The following SHC1 variants were observed in gnomAD, a reference collection of about 807,000 sequenced individuals.
SHC1 encodes the protein SHC-transforming protein 1.
Under a neutral mutation model 55.9 loss-of-function variants are expected in SHC1, and 30 were observed. That is an observed-to-expected ratio of 0.54 (90% CI 0.40 to 0.73). The LOEUF is 0.73. SHC1 is among the 30% of genes least tolerant of loss of function. SHC1 has a pLI of 0.00. For synonymous variants in SHC1, 309 were observed against 306.1 expected, an observed-to-expected ratio of 1.01 and a Z score of -0.10; for missense variants, 675 against 777.1, an observed-to-expected ratio of 0.87 and a Z score of 1.56.
At position 154,966,417 on chromosome 1, in the gene SHC1, C is replaced by A. The variant is rs147431390; in HGVS notation, c.1084G>T (p.Gly362Trp). ...TCCCGAAGCCTCATGTCTACCACCC[C>A]CCCCAAGGGGGGTTCCTTCCCCGGG... The part of the protein sequence containing the change: ...DFPGKEPPLG[G>W]VVDMRLREGA... Residue 362 changes from glycine to tryptophan, a missense_variant, in exon 8 of 12, where the codon GGG becomes TGG. Coordinates refer to ENST00000448116, the MANE Select transcript of SHC1 (RefSeq NM_001130040.2). 4 of 1,613,724 alleles carry A rather than the reference C, an allele frequency of 2.5e-6. No homozygotes were observed. The highest frequency in any genetic ancestry group is 1.6e-4 in the Middle Eastern group (1 of 6,082).
At chr1:154,968,394 C>A in intron 4 of SHC1, 101 bp downstream of exon 4, 1 of 1,561,602 alleles carries the variant, frequency 6.4e-7, no homozygotes, top group South Asian at 1.1e-5. Context: ...CCCTACTGGT[C>A]TCCTGCTCTC....
chr1:154,970,053 G>A lies in SHC1; in HGVS notation c.474C>T (p.Pro158=), dbSNP rs8191982. 7.4e-4 allele frequency: 1,192 copies of A among 1,613,948 alleles called. 29 individuals carry two copies. In the East Asian group the frequency reaches 0.023, roughly 31 times the overall value. The change falls in exon 1 of 12, where the codon CCC becomes CCT. Residue 158 remains proline, a synonymous_variant. Transcript: ENST00000448116. The surrounding 1 kb of genome is among the most constrained non-coding windows in gnomAD (Gnocchi z 5.5). ...TCACCCGAACCAAGTAGGAAACCCC[G>A]GGTCCCATGACTTTGTCGTTGGGAT... ...WLHPNDKVMG[P]GVSYLVRYMG...
chr1:154,966,063 C>G lies in SHC1; in HGVS notation c.1270G>C (p.Asp424His). 6.2e-7 allele frequency: 1 copy of G among 1,614,010 alleles called. No individual in the cohort carries two copies. The highest frequency in any genetic ancestry group is 8.5e-7 in the Non-Finnish European group (1 of 1,179,960). The change falls in exon 10 of 12, where the codon GAT becomes CAT. Residue 424 changes from aspartate (D) to histidine (H), a missense_variant. By Grantham distance (81) the Asp-to-His change is moderately conservative. Transcript: ENST00000448116. ...TGGACGTTGACATAGGAGGGATCATCAAAAAGCTCTCTGCCTGCTGAGGAA... is the reference window on the plus strand; with the variant it reads ...TGGACGTTGACATAGGAGGGATCATGAAAAAGCTCTCTGCCTGCTGAGGAA... ...PPCPAGRELF[D>H]DPSYVNVQNL...
intron 4 of SHC1, 76 bp downstream of exon 4, chr1:154,968,419 G>A: frequency 6.3e-7 from 1 of 1,598,560 alleles, no homozygotes; most frequent in Non-Finnish European, 8.6e-7. Flanking sequence ...CCTCTTCCTA[G>A]ATTTTGGCCT....
At position 154,970,352 on chromosome 1, in the gene SHC1, A is replaced by C. The variant is rs748211803; in HGVS notation, c.175T>G (p.Cys59Gly). 6.2e-7 allele frequency: 1 copy of C among 1,606,876 alleles called. No individual in the cohort carries two copies. The highest frequency in any genetic ancestry group is 8.5e-7 in the Non-Finnish European group (1 of 1,176,506). ...LPGDDSPTTL[C>G]SFFPRMSNLR... ...TTGCTCATCCGGGGGAAGAAGGAGC[A>C]CAGGGTAGTGGGACTATCGTCCCCA... Residue 59 changes from cysteine to glycine, a missense_variant, in exon 1 of 12, where the codon TGC (cysteine) becomes GGC (glycine). Transcript: ENST00000448116. The surrounding 1 kb of genome is among the most constrained non-coding windows in gnomAD (Gnocchi z 5.5).
chr1:154,970,037 C>G lies in SHC1; in HGVS notation c.490G>C (p.Val164Leu), dbSNP rs765294462. 1 of 1,613,910 alleles carries G rather than the reference C, an allele frequency of 6.2e-7. No individual in the cohort carries two copies. The highest frequency in any genetic ancestry group is 8.5e-7 in the Non-Finnish European group (1 of 1,179,950). ...AGAGGAGGATGTTCACTCACCCGAACCAAGTAGGAAACCCCGGGTCCCATG... is the reference window on the plus strand; with the variant it reads ...AGAGGAGGATGTTCACTCACCCGAAGCAAGTAGGAAACCCCGGGTCCCATG... Reference protein sequence around the residue: ...KVMGPGVSYLVRYMGCVEVLQ... With the variant: ...KVMGPGVSYLLRYMGCVEVLQ... The change falls in exon 1 of 12, where the codon GTT (valine) becomes CTT (leucine). Residue 164 changes from valine (V) to leucine (L), a missense_variant. This residue lies in a region of SHC1 where 159 missense variants were observed against 246.9 expected (regional missense o/e 0.64). Coordinates refer to ENST00000448116, the MANE Select transcript of SHC1 (RefSeq NM_001130040.2). This position sits in a 1 kb window ranked among gnomAD's most constrained non-coding sequence, Gnocchi z 5.5.
At position 154,966,375 on chromosome 1, in the gene SHC1, C is replaced by T. The variant is rs192729718; in HGVS notation, c.1126G>A (p.Ala376Thr). The T allele has an allele frequency of 5.7e-5, 92 of 1,614,140 alleles. No individual in the cohort carries two copies. The Admixed American group carries it at 8.7e-4, about 15-fold the overall frequency. ...MRLREGAAPG[A>T]ARPTAPNAQT... Reference sequence around the variant, plus strand: ...GCATTGGGTGCAGTGGGTCGAGCAGCCCCTGGAGCGGCTCCTTCCCGAAGC... The same window carrying T: ...GCATTGGGTGCAGTGGGTCGAGCAGTCCCTGGAGCGGCTCCTTCCCGAAGC... Residue 376 changes from alanine (A) to threonine (T), a missense_variant, in exon 8 of 12, where the codon GCT becomes ACT. Ala to Thr is a moderately conservative substitution (Grantham distance 58, BLOSUM62 0). Transcript: ENST00000448116.
In SHC1 at chr1:154,968,840, GAA is replaced by G; in HGVS notation, c.567-8_567-7del. On this transcript the variant is annotated splice_region_variant and splice_polypyrimidine_tract_variant and intron_variant, in intron 2 of 11. Coordinates refer to ENST00000448116, the MANE Select transcript of SHC1 (RefSeq NM_001130040.2). ...ACACCAGACTGATGGCCTCCCTGGG[GAA>G]AGAGGGGTACTCAGACCCAGCGCCT... The G allele has an allele frequency of 6.2e-7, 1 of 1,613,722 alleles. No individual in the cohort carries two copies. Among genetic ancestry groups the G allele is most frequent in the Non-Finnish European group, 8.5e-7 (1 of 1,179,646 alleles).
chr1:154,969,222 T>C (rs1047231424), intron 2 of SHC1, among the ~76,000 whole-genome samples, 156 bp downstream of exon 2: 5 of 152,148 alleles, frequency 3.3e-5, no homozygotes, highest in African/African-American at 1.2e-4. Flanking sequence ...CTCCTTTCAG[T>C]AAGAGGCGGA....
At chr1:154,970,772 C>A (rs559986354), upstream of SHC1, 418 of 410,500 alleles carry the variant, frequency 1.0e-3, 1 homozygote, top group Middle Eastern at 5.6e-3. This position sits in a 1 kb window ranked among gnomAD's most constrained non-coding sequence, Gnocchi z 5.5. Context: ...CAGGCTGGAC[C>A]CAGCGCTTCT....
upstream of SHC1, among the ~76,000 whole-genome samples, chr1:154,972,046 G>T (rs1447909177): frequency 6.6e-6 from 1 of 151,922 alleles, no homozygotes. Flanking sequence ...TCAGGAGTTC[G>T]AGACCAGCCT....
intron 11 of SHC1, 176 bp downstream of exon 11, chr1:154,965,367 G>A: frequency 2.5e-6 from 4 of 1,592,538 alleles, no homozygotes; most frequent in Non-Finnish European, 3.4e-6. Context: ...ACATAGTTCA[G>A]GCTAAGGGAT....
chr1:154,963,638 A>C lies in SHC1; in HGVS notation c.*165T>G. Reference sequence around the variant, plus strand: ...GGCAGGATTCTCACCCAGGCTTTTGACTCAAACCCTCTCACTCAGCTGGAT... The same window carrying C: ...GGCAGGATTCTCACCCAGGCTTTTGCCTCAAACCCTCTCACTCAGCTGGAT... On this transcript the variant is annotated 3_prime_UTR_variant, in exon 12 of 12. Coordinates refer to ENST00000448116, the MANE Select transcript of SHC1 (RefSeq NM_001130040.2). 1 of 646,978 alleles carries C rather than the reference A, an allele frequency of 1.5e-6. No individual in the cohort carries two copies. Among genetic ancestry groups the C allele is most frequent in the Non-Finnish European group, 2.6e-6 (1 of 379,572 alleles). The allele number at this position is 646,978 out of a possible 1,614,324, so 40.1% of individuals were successfully genotyped here.
chr1:154,964,229 T>C (rs978241874), intron 11 of SHC1: 9 of 507,396 alleles, frequency 1.8e-5, no homozygotes, highest in African/African-American at 1.4e-4. Flanking sequence ...CAGAAGAGTA[T>C]ACACAGTGCA....
intron 4 of SHC1, 81 bp from the exon 5 acceptor site, chr1:154,968,338 A>G: frequency 1.9e-6 from 3 of 1,542,870 alleles, no homozygotes; most frequent in Non-Finnish European, 2.7e-6. Flanking sequence ...CTGGTGCCCC[A>G]GTCTCATTCT....
upstream of SHC1, among the ~76,000 whole-genome samples, chr1:154,973,910 T>C (rs1656997707): frequency 6.6e-6 from 1 of 152,216 alleles, no homozygotes; most frequent in Admixed American, 6.5e-5. Flanking sequence ...TTTGCCCTTT[T>C]GGGAGATAGG....
chr1:154,967,901 G>C (rs1391857974), intron 6 of SHC1, 79 bp downstream of exon 6: 2 of 1,603,128 alleles, frequency 1.2e-6, no homozygotes, highest in African/African-American at 1.3e-5. Flanking sequence ...GATCTACTTA[G>C]AGTGGGTACA....
intron 7 of SHC1, among the ~76,000 whole-genome samples, chr1:154,967,377 G>A (rs1195125772): frequency 6.6e-6 from 1 of 152,126 alleles, no homozygotes; most frequent in Non-Finnish European, 1.5e-5. Flanking sequence ...GCAGAGAAAT[G>A]AGCAAGAAAG....
At position 154,965,671 on chromosome 1, in the gene SHC1, C is replaced by T. The variant is rs150575664; in HGVS notation, c.1498G>A (p.Glu500Lys). The T allele has an allele frequency of 6.8e-6, 11 of 1,614,106 alleles. No homozygotes were observed. In the African/African-American group the frequency reaches 1.3e-4, roughly 20 times the overall value. Residue 500 changes from glutamate (E) to lysine (K), a missense_variant, in exon 11 of 12, where the codon GAG becomes AAG. Around this residue, in one of 3 missense-constraint regions of SHC1, gnomAD observed 360 missense variants for 371.1 expected, o/e 0.97. Transcript: ENST00000448116. The stretch of plus-strand genomic sequence containing the variant: ...TCCCCATTGAGCTGCAGCAGTGCCT[C>T]AGCCTCCCGCCGGCTCAGCTTCCCA... ...FHGKLSRREAEALLQLNGDFL... is the reference protein window; with the variant it reads ...FHGKLSRREAKALLQLNGDFL...
Sources: allele counts gnomAD v4.1 joint callset (sites outside exome capture counted in the v4.1 genomes callset), GRCh38; gene constraint gnomAD v4.1.1; regional missense constraint gnomAD v4.1.1; non-coding constraint Gnocchi (gnomAD v3.1); transcripts MANE v1.5; gene names NCBI Gene and HGNC (gene_info 2026-07-23, HGNC 2026-07-21).